Variants in GNAO1 observed in about 807,000 individuals in gnomAD.
GNAO1 encodes G protein subunit alpha o1.
For synonymous variants in GNAO1, 164 were observed against 180.7 expected, an observed-to-expected ratio of 0.91 and a Z score of 0.74; for missense variants, 166 against 478.7, an observed-to-expected ratio of 0.35 and a Z score of 6.10.
intron 2 of GNAO1, among the ~76,000 whole-genome samples, chr16:56,251,742 T>C (rs2036801575): frequency 6.6e-6 from 1 of 152,128 alleles, no homozygotes; most frequent in Admixed American, 6.5e-5. Flanking sequence ...GCTTGGAAGG[T>C]TGGTCCACTT....
chr16:56,247,482 G>GTTT (rs61650674), intron 2 of GNAO1, among the ~76,000 whole-genome samples: 11 of 119,664 alleles, frequency 9.2e-5, no homozygotes, highest in East Asian at 2.4e-4. Flanking sequence ...TTAGGGTGAG[G>GTTT]TTTTTTTTTT....
chr16:56,204,765 A>G (rs1173714430), intron 2 of GNAO1, among the ~76,000 whole-genome samples: 2 of 152,216 alleles, frequency 1.3e-5, no homozygotes, highest in Non-Finnish European at 1.5e-5. Flanking sequence ...TGGTAGAAAT[A>G]GGTCTGGACT....
intron 3 of GNAO1, chr16:56,307,613 G>A (rs2037410885): frequency 6.6e-6 from 1 of 152,206 alleles, no homozygotes; most frequent in South Asian, 2.1e-4. Flanking sequence ...TACGGTTGAG[G>A]AAACTGAGTC....
Position 56,194,240 on chromosome 16 carries a change from T to C in GNAO1, c.161+1624T>C, listed in dbSNP as rs372802819. The C allele has an allele frequency of 5.7e-5, 26 of 456,560 alleles. No homozygotes were observed. In the East Asian group the frequency reaches 1.3e-3, roughly 22 times the overall value. The allele number at this position is 456,560 out of a possible 1,614,324, so 28.3% of individuals were successfully genotyped here. A position where few individuals can be genotyped will look rare whatever the true frequency, so the allele number is the denominator to read the frequency against. The stretch of plus-strand genomic sequence containing the variant: ...GCCAGGGGTAATTTAGCTTGGGGCT[T>C]CTCTTGAGCTTGTGCAACCCAAATT... On this transcript the variant is annotated intron_variant, in intron 2 of 8. Coordinates refer to ENST00000262493, the MANE Select transcript of GNAO1 (RefSeq NM_020988.3).
chr16:56,289,925 G>C (rs1346365801), intron 3 of GNAO1, among the ~76,000 whole-genome samples: 1 of 152,044 alleles, frequency 6.6e-6, no homozygotes, highest in African/African-American at 2.4e-5. Flanking sequence ...CTCCCACCCC[G>C]TAATCTGTGC....
At chr16:56,315,839 CGAGACCAGCCTGGCCAA>C (rs1399485214) in intron 3 of GNAO1, among the ~76,000 whole-genome samples, 152 of 152,102 alleles carry the variant, frequency 1.0e-3, no homozygotes, top group African/African-American at 3.4e-3. Context: ...GTCAGGAGTT[CGAGACCAGCCTGGCCAA>C]GAGACCAGCC....
intron 2 of GNAO1, chr16:56,255,374 G>A (rs1053629483): frequency 4.6e-5 from 7 of 152,188 alleles, no homozygotes; most frequent in Admixed American, 1.3e-4. Context: ...GAATTCTTGT[G>A]TGTTTCCTCT....
chr16:56,262,104 A>G (rs910649397), intron 2 of GNAO1, among the ~76,000 whole-genome samples: 5 of 152,206 alleles, frequency 3.3e-5, no homozygotes, highest in African/African-American at 1.2e-4. Flanking sequence ...GTGAGAAAGG[A>G]TGGTTCCCCC....
intron 2 of GNAO1, among the ~76,000 whole-genome samples, chr16:56,203,424 A>G (rs1274595488): frequency 6.6e-6 from 1 of 152,096 alleles, no homozygotes; most frequent in Admixed American, 6.6e-5. Flanking sequence ...GATCCCAGCA[A>G]GGTCCTCACT....
At chr16:56,327,263 G>A (rs1167408192) in intron 3 of GNAO1, among the ~76,000 whole-genome samples, 4 of 152,066 alleles carry the variant, frequency 2.6e-5, no homozygotes, top group African/African-American at 7.2e-5. Context: ...CAGGGCCCAC[G>A]AGGACCAGCA....
intron 3 of GNAO1, among the ~76,000 whole-genome samples, chr16:56,290,132 G>A (rs55752378): frequency 0.015 from 2,213 of 152,200 alleles, 39 homozygotes; most frequent in South Asian, 0.059. Context: ...CTCCATAGGG[G>A]ACTTCTCCAC....
intron 6 of GNAO1, among the ~76,000 whole-genome samples, chr16:56,350,601 T>C (rs1394627266): frequency 1.3e-5 from 2 of 152,138 alleles, no homozygotes; most frequent in Non-Finnish European, 2.9e-5. Flanking sequence ...TCTGCCTTGC[T>C]TAGAACATCA....
intron 3 of GNAO1, among the ~76,000 whole-genome samples, chr16:56,299,939 A>G (rs181626012): frequency 4.6e-5 from 7 of 152,186 alleles, no homozygotes; most frequent in Non-Finnish European, 2.9e-5. Flanking sequence ...CCTGTGTTTT[A>G]TAATTGGCCA....
chr16:56,299,246 G>T (rs139784151), intron 3 of GNAO1, among the ~76,000 whole-genome samples: 4 of 152,206 alleles, frequency 2.6e-5, no homozygotes, highest in Non-Finnish European at 4.4e-5. Flanking sequence ...AGCCCTCAGC[G>T]CTGGGTTAGC....
At chr16:56,274,343 C>G (rs1270885361) in intron 2 of GNAO1, among the ~76,000 whole-genome samples, 1 of 152,158 alleles carries the variant, frequency 6.6e-6, no homozygotes, top group East Asian at 1.9e-4. Flanking sequence ...GGGTGGTGCA[C>G]CAGTGGCCTG....
intron 2 of GNAO1, among the ~76,000 whole-genome samples, chr16:56,229,755 GC>G (rs757215100): frequency 6.6e-6 from 1 of 151,904 alleles, no homozygotes; most frequent in Non-Finnish European, 1.5e-5. Context: ...AAACCTTGAG[GC>G]CCAGAAACTC....
chr16:56,333,393 G>T (rs1359482860), intron 4 of GNAO1, among the ~76,000 whole-genome samples: 2 of 151,998 alleles, frequency 1.3e-5, no homozygotes, highest in African/African-American at 4.8e-5. Flanking sequence ...TGCATTTTTA[G>T]TAGAGATGGG....
intron 6 of GNAO1, chr16:56,340,464 G>A (rs546087997): frequency 1.8e-4 from 36 of 199,282 alleles, no homozygotes; most frequent in South Asian, 1.3e-3. Flanking sequence ...AGGGTTCCGC[G>A]CAGATGCGTT....
At chr16:56,292,271 G>C (rs1332193680) in intron 3 of GNAO1, among the ~76,000 whole-genome samples, 4 of 152,124 alleles carry the variant, frequency 2.6e-5, no homozygotes, top group African/African-American at 9.7e-5. Context: ...TGGATGCCTC[G>C]CAGGCATGGA....
Sources: gnomAD v4.1 joint callset for allele counts (sites outside exome capture counted in the v4.1 genomes callset) on GRCh38, gnomAD v4.1.1 for gene constraint, MANE v1.5 for transcripts, NCBI Gene and HGNC (gene_info 2026-07-23, HGNC 2026-07-21) for gene names.